The following GCN1 variants were observed in gnomAD, a reference collection of about 807,000 sequenced individuals.
GCN1 encodes the protein stalled ribosome sensor GCN1.
A neutral mutation model predicts 288.4 loss-of-function variants in GCN1; 90 were observed. That is an observed-to-expected ratio of 0.31 (90% confidence interval 0.26 to 0.37). The LOEUF is 0.37. GCN1 is among the 10% of genes least tolerant of loss of function. The probability of loss-of-function intolerance (pLI) is 1.00; values close to 1 mark genes in which losing one functional copy is unlikely to be tolerated. For missense variants in GCN1, 2,586 were observed against 3,419.9 expected (o/e 0.76, Z 6.08); for synonymous variants, 1,386 against 1,420.2 (o/e 0.98, Z 0.54).
At chr12:120,189,281 C>G (rs1293750825) in intron 2 of GCN1, among the ~76,000 whole-genome samples, 1 of 151,924 alleles carries the variant, frequency 6.6e-6, no homozygotes, top group Non-Finnish European at 1.5e-5. Flanking sequence ...CCATGTTGGT[C>G]AGGCTGGTCT....
In GCN1 at chr12:120,175,126, C is replaced by CAAA. The variant is rs58560211; in HGVS notation, c.1093+33_1093+35dup. On this transcript the variant is annotated intron_variant, in intron 12 of 57. Coordinates refer to ENST00000300648, the MANE Select transcript of GCN1 (RefSeq NM_006836.2). ...TAGATGACACAGCAAGACTTTCTCTCAAAAAAAAAAAAAAAAAAAAAAAGA... is the reference window on the plus strand; with the variant it reads ...TAGATGACACAGCAAGACTTTCTCTCAAAAAAAAAAAAAAAAAAAAAAAAAAGA... 842 of 1,064,306 alleles carry CAAA rather than the reference C, an allele frequency of 7.9e-4. 38 individuals carry two copies. The highest frequency in any genetic ancestry group is 1.7e-3 in the South Asian group (119 of 70,042). 65.9% of individuals were successfully genotyped at this position (1,064,306 alleles called of 1,614,324 possible). A position where few individuals can be genotyped will look rare whatever the true frequency, so the allele number is the denominator to read the frequency against.
intron 36 of GCN1, among the ~76,000 whole-genome samples, chr12:120,149,160 T>C (rs1877457581): frequency 6.6e-6 from 1 of 151,950 alleles, no homozygotes; most frequent in Non-Finnish European, 1.5e-5. Flanking sequence ...TGACTTAGGG[T>C]TGTGGCTCTT....
rs1171083770 is a variant in GCN1 at position 120,154,913 on chromosome 12, C to G, written c.3701+57G>C. 18 of 1,491,292 alleles carry G rather than the reference C, an allele frequency of 1.2e-5. No homozygotes were observed. In the South Asian group the frequency reaches 1.6e-4, roughly 13 times the overall value. The allele number at this position is 1,491,292 out of a possible 1,614,324, so 92.4% of individuals were successfully genotyped here. A position where few individuals can be genotyped will look rare whatever the true frequency, so the allele number is the denominator to read the frequency against. ...CTGCCTCCTCACAGCACCCACCCAGCCAACCTGCCACATCTCACAAAGCTT... is the reference window on the plus strand; with the variant it reads ...CTGCCTCCTCACAGCACCCACCCAGGCAACCTGCCACATCTCACAAAGCTT... On this transcript the variant is annotated intron_variant, in intron 31 of 57. Transcript: ENST00000300648.
rs746494905 is a variant in GCN1 at position 120,173,688 on chromosome 12, T to A, written c.1331A>T (p.His444Leu). ...GGCCAACATGCACTGCAGGTAGGCA[T>A]GCCTCACCGCAGATGTGGAGGTTTT... The part of the protein sequence containing the change: ...SLKTSTSAVR[H>L]AYLQCMLASY... The change falls in exon 14 of 58, where the codon CAT (histidine) becomes CTT (leucine). Residue 444 changes from histidine to leucine, a missense_variant. By Grantham distance (99) the His-to-Leu change is moderately conservative (BLOSUM62 -3). Transcript: ENST00000300648. The A allele has an allele frequency of 1.9e-6, 3 of 1,612,902 alleles. No homozygotes were observed. Among genetic ancestry groups the A allele is most frequent in the Non-Finnish European group, 2.5e-6 (3 of 1,178,812 alleles).
chr12:120,158,714 TA>T lies in GCN1; in HGVS notation c.2750-100del. 5 of 1,062,086 alleles carry T rather than the reference TA, an allele frequency of 4.7e-6. No individual in the cohort carries two copies. The highest frequency in any genetic ancestry group is 6.7e-6 in the Non-Finnish European group (5 of 744,340). The allele number at this position is 1,062,086 out of a possible 1,614,324, so 65.8% of individuals were successfully genotyped here. On this transcript the variant is annotated intron_variant, in intron 24 of 57. Coordinates refer to ENST00000300648, the MANE Select transcript of GCN1 (RefSeq NM_006836.2). The surrounding 1 kb of genome is among the most constrained non-coding windows in gnomAD (Gnocchi z 4.3). ...GACCCAGTGCCTCATCCTTCTGACTTAAAAAAATATTTCTGCGGCTGGGCGC... is the reference window on the plus strand; with the variant it reads ...GACCCAGTGCCTCATCCTTCTGACTTAAAAAATATTTCTGCGGCTGGGCGC...
intron 16 of GCN1, among the ~76,000 whole-genome samples, chr12:120,165,431 A>G (rs1441940311): frequency 6.6e-6 from 1 of 152,062 alleles, no homozygotes; most frequent in African/African-American, 2.4e-5. Context: ...CGGTCTCCCA[A>G]AGTGCTAGGA....
intron 31 of GCN1, 108 bp from the exon 32 acceptor site, chr12:120,154,017 ACT>A (rs1474684659): frequency 1.1e-6 from 1 of 905,386 alleles, no homozygotes; most frequent in Non-Finnish European, 1.7e-6. Flanking sequence ...TGAGGCAAAC[ACT>A]GTTTTGGGGG....
Position 120,138,334 on chromosome 12 carries a change from G to A in GCN1, c.6238C>T (p.Leu2080Phe). ...ATGTTGGGATTTACCTTGGGCACAA[G>A]GTAGGGCAGCACCACACGACTCTTA... ...AIKSRVVLPY[L>F]VPKLTTPPVN... Residue 2080 changes from leucine (L) to phenylalanine (F), a missense_variant, in exon 47 of 58, where the codon CTT (leucine) becomes TTT (phenylalanine). Around this residue, in one of 8 missense-constraint regions of GCN1, gnomAD observed 437 missense variants for 570.5 expected, o/e 0.77. Coordinates refer to ENST00000300648, the MANE Select transcript of GCN1 (RefSeq NM_006836.2). The A allele has an allele frequency of 1.3e-6, 2 of 1,599,326 alleles. No homozygotes were observed. The highest frequency in any genetic ancestry group is 8.6e-7 in the Non-Finnish European group (1 of 1,166,412).
In GCN1 at chr12:120,155,117, C is replaced by T. The variant is rs1877698750; in HGVS notation, c.3631-77G>A. 1.3e-6 allele frequency: 2 copies of T among 1,517,454 alleles called. No individual in the cohort carries two copies. Among genetic ancestry groups the T allele is most frequent in the Non-Finnish European group, 1.8e-6 (2 of 1,092,268 alleles). 94.0% of individuals were successfully genotyped at this position (1,517,454 alleles called of 1,614,324 possible). A position where few individuals can be genotyped will look rare whatever the true frequency, so the allele number is the denominator to read the frequency against. Reference sequence around the variant, plus strand: ...GGCACCAGGATTGTGAGGCAGGAAACTAGCCGCAGCTACCCTGAGCCACCG... The same window carrying T: ...GGCACCAGGATTGTGAGGCAGGAAATTAGCCGCAGCTACCCTGAGCCACCG... On this transcript the variant is annotated intron_variant, in intron 30 of 57. Coordinates refer to ENST00000300648, the MANE Select transcript of GCN1 (RefSeq NM_006836.2). This position sits in a 1 kb window ranked among gnomAD's most constrained non-coding sequence, Gnocchi z 4.9.
Position 120,161,726 on chromosome 12 carries a change from G to T in GCN1, c.2343-143C>A, listed in dbSNP as rs375559822. 809 of 905,526 alleles carry T rather than the reference G, an allele frequency of 8.9e-4. 14 individuals are homozygous for T. In the South Asian group the frequency reaches 0.01, roughly 12 times the overall value. 56.1% of individuals were successfully genotyped at this position (905,526 alleles called of 1,614,324 possible). ...ATACTGGACACACTTAAATACCCAG[G>T]ACCTAAGCACCGTGCCGGGGACACA... is the stretch of plus-strand genomic sequence containing the variant. On this transcript the variant is annotated intron_variant, in intron 21 of 57. Coordinates refer to ENST00000300648, the MANE Select transcript of GCN1 (RefSeq NM_006836.2).
At chr12:120,151,587 A>G (rs1594269458) in intron 33 of GCN1, among the ~76,000 whole-genome samples, 196 bp from the exon 34 acceptor site, 1 of 152,222 alleles carries the variant, frequency 6.6e-6, no homozygotes, top group African/African-American at 2.4e-5. Flanking sequence ...GGTGCACACT[A>G]CAATCTGCTG....
Position 120,173,772 on chromosome 12 carries a change from C to A in GCN1, c.1247G>T (p.Arg416Leu), listed in dbSNP as rs756678405. ...AVSVLALWCN[R>L]FTMEVPKKLT... The stretch of plus-strand genomic sequence containing the variant: ...CTTCTTGGGCACTTCCATAGTGAAT[C>A]GGTTACACCAGAGAGCCAGGACTGA... Residue 416 changes from arginine (R) to leucine (L), a missense_variant, in exon 14 of 58, where the codon CGA becomes CTA. Coordinates refer to ENST00000300648, the MANE Select transcript of GCN1 (RefSeq NM_006836.2). The A allele has an allele frequency of 1.1e-5, 18 of 1,613,738 alleles. No homozygotes were observed. In the South Asian group the frequency reaches 2.0e-4, roughly 18 times the overall value.
At chr12:120,182,934 C>CAAAA (rs1056569798) in intron 5 of GCN1, among the ~76,000 whole-genome samples, 1 of 89,688 alleles carries the variant, frequency 1.1e-5, no homozygotes. Flanking sequence ...GACTCCGTCT[C>CAAAA]AAAAAAAAAA....
chr12:120,129,000 G>A (rs900930802), intron 57 of GCN1, among the ~76,000 whole-genome samples: 8 of 151,860 alleles, frequency 5.3e-5, no homozygotes, highest in African/African-American at 1.9e-4. Flanking sequence ...ACCACGCCTG[G>A]CTAATTTTTT....
chr12:120,177,420 C>A, intron 9 of GCN1, 27 bp downstream of exon 9: 1 of 1,170,910 alleles, frequency 8.5e-7, no homozygotes, highest in Non-Finnish European at 1.3e-6. Flanking sequence ...CATCTCCCTC[C>A]CACCATCCTG....
chr12:120,182,159 CA>C (rs111240044), intron 5 of GCN1, among the ~76,000 whole-genome samples: 86 of 115,884 alleles, frequency 7.4e-4, no homozygotes, highest in Admixed American at 1.0e-3. Context: ...TCAAAGAAAA[CA>C]AAAAAAAAAA....
Position 120,153,312 on chromosome 12 carries a change from G to A in GCN1, c.3963C>T (p.Val1321=). The part of the protein sequence containing the change: ...SYDAVRQSVV[V]LMGSLAKHLD... Reference sequence around the variant, plus strand: ...GGTGCTTGGCCAGAGAGCCCATCAGGACCACCACACTCTGTCGCACAGCAT... The same window carrying A: ...GGTGCTTGGCCAGAGAGCCCATCAGAACCACCACACTCTGTCGCACAGCAT... The change falls in exon 33 of 58, where the codon GTC becomes GTT. Residue 1321 remains valine, a synonymous_variant. Coordinates refer to ENST00000300648, the MANE Select transcript of GCN1 (RefSeq NM_006836.2). This position sits in a 1 kb window ranked among gnomAD's most constrained non-coding sequence, Gnocchi z 4.4. 6.2e-7 allele frequency: 1 copy of A among 1,614,166 alleles called. No individual in the cohort carries two copies. Among genetic ancestry groups the A allele is most frequent in the Non-Finnish European group, 8.5e-7 (1 of 1,180,000 alleles).
chr12:120,151,477 C>A, intron 33 of GCN1, 86 bp from the exon 34 acceptor site: 1 of 1,393,714 alleles, frequency 7.2e-7, no homozygotes, highest in Non-Finnish European at 9.8e-7. Context: ...TACACAGCAC[C>A]CACCACTAGA....
intron 2 of GCN1, among the ~76,000 whole-genome samples, chr12:120,187,370 C>T (rs900470545): frequency 1.6e-4 from 24 of 152,018 alleles, no homozygotes; most frequent in African/African-American, 5.8e-4. Flanking sequence ...CCCACCACCA[C>T]ACCCAGCTAA....
Sources: gnomAD v4.1 joint callset for allele counts (sites outside exome capture counted in the v4.1 genomes callset) on GRCh38, gnomAD v4.1.1 for gene constraint, gnomAD v4.1.1 regional missense constraint, Gnocchi (gnomAD v3.1) non-coding constraint, MANE v1.5 for transcripts, NCBI Gene and HGNC (gene_info 2026-07-23, HGNC 2026-07-21) for gene names.